The following ZRANB2 variants were observed in gnomAD, a reference collection of about 807,000 sequenced individuals.
ZRANB2 encodes zinc finger Ran-binding domain-containing protein 2.
Under a neutral mutation model 53.4 loss-of-function variants are expected in ZRANB2, and 19 were observed. The ratio of observed to expected loss-of-function variants is 0.36; its 90% CI spans 0.25 to 0.52. The LOEUF is 0.52. Among genes scored for constraint, ZRANB2 ranks in the 20% least tolerant of loss-of-function variants. The pLI is 0.93. For synonymous variants in ZRANB2, 145 were observed against 134.8 expected, an observed-to-expected ratio of 1.08 and a Z score of -0.52; for missense variants, 309 against 401.1, an observed-to-expected ratio of 0.77 and a Z score of 1.96.
intron 4 of ZRANB2, among the ~76,000 whole-genome samples, chr1:71,076,518 G>A (rs1312272591): frequency 6.6e-6 from 1 of 152,098 alleles, no homozygotes; most frequent in Non-Finnish European, 1.5e-5. Flanking sequence ...TAACAAACAT[G>A]CAAACCAGTG....
At chr1:71,065,833 C>T in intron 9 of ZRANB2, 1 of 1,574,708 alleles carries the variant, frequency 6.4e-7, no homozygotes, top group Non-Finnish European at 8.6e-7. Flanking sequence ...TAAAAATTTG[C>T]AGAAGTGGTA....
chr1:71,067,742 G>A, intron 8 of ZRANB2: 1 of 412,328 alleles, frequency 2.4e-6, no homozygotes. Flanking sequence ...GGAAGAATAT[G>A]ATGGGTGTTC....
intron 8 of ZRANB2, among the ~76,000 whole-genome samples, chr1:71,068,461 C>T (rs1385708880): frequency 6.6e-6 from 1 of 152,130 alleles, no homozygotes; most frequent in East Asian, 1.9e-4. Context: ...TTATGTTTCC[C>T]TCTACAGATG....
chr1:71,073,700 C>G (rs1471571351), intron 4 of ZRANB2, among the ~76,000 whole-genome samples: 1 of 151,692 alleles, frequency 6.6e-6, no homozygotes, highest in Non-Finnish European at 1.5e-5. Flanking sequence ...AGTAATATGA[C>G]AAATATGGAA....
Position 71,063,852 on chromosome 1 carries a change from G to A in ZRANB2, c.*1222C>T, listed in dbSNP as rs942966027. On this transcript the variant is annotated 3_prime_UTR_variant, in exon 10 of 10. Coordinates refer to ENST00000370920, the MANE Select transcript of ZRANB2 (RefSeq NM_203350.3). ...TTTAAATTGCAGCAGACAATGTTAC[G>A]GAAAAAAAACAAGAAATCAATATCC... 1.3e-5 allele frequency: 2 copies of A among 151,858 alleles called. No homozygotes were observed. The highest frequency in any genetic ancestry group is 2.1e-4 in the South Asian group (1 of 4,804). 9.4% of individuals were successfully genotyped at this position (151,858 alleles called of 1,614,324 possible).
At chr1:71,073,003 T>A (rs1219142558) in intron 4 of ZRANB2, among the ~76,000 whole-genome samples, 2 of 152,084 alleles carry the variant, frequency 1.3e-5, no homozygotes, top group Non-Finnish European at 2.9e-5. Flanking sequence ...CAGGCCTTAT[T>A]AGAGCTTGGA....
At chr1:71,072,650 T>C (rs2101047304) in intron 4 of ZRANB2, 102 bp from the exon 5 acceptor site, 1 of 807,016 alleles carries the variant, frequency 1.2e-6, no homozygotes, top group Non-Finnish European at 2.0e-6. Flanking sequence ...TAATCAACAA[T>C]GGCTGCCTAC....
chr1:71,078,361 C>T, intron 3 of ZRANB2, 96 bp downstream of exon 3: 5 of 1,011,566 alleles, frequency 4.9e-6, no homozygotes, highest in Non-Finnish European at 7.5e-6. Flanking sequence ...GTTACCCTGG[C>T]TTGTCAATGT....
In ZRANB2 at chr1:71,070,876, G is replaced by A; in HGVS notation, c.634C>T (p.Arg212Ter). ...GGGGAGGATGAGCGTGATGAAGATCGTGAATGTGAAGATCGAGACTTTGAG... is the reference window on the plus strand; with the variant it reads ...GGGGAGGATGAGCGTGATGAAGATCATGAATGTGAAGATCGAGACTTTGAG... Reference protein sequence around the residue: ...SRSKSRSSHSRSSSRSSSPSS... With the variant: ...SRSKSRSSHS Residue 212 changes from arginine to a stop codon, truncating the protein, a stop_gained, in exon 7 of 10, where the codon CGA becomes TGA. Coordinates refer to ENST00000370920, the MANE Select transcript of ZRANB2 (RefSeq NM_203350.3). LOFTEE classifies it high-confidence loss of function. 1 of 1,609,540 alleles carries A rather than the reference G, an allele frequency of 6.2e-7. No individual in the cohort carries two copies. Among genetic ancestry groups the A allele is most frequent in the Non-Finnish European group, 8.5e-7 (1 of 1,177,620 alleles).
chr1:71,076,502 T>C (rs1230595822), intron 4 of ZRANB2, among the ~76,000 whole-genome samples: 1 of 152,230 alleles, frequency 6.6e-6, no homozygotes, highest in Non-Finnish European at 1.5e-5. Flanking sequence ...ATTATATCAT[T>C]ACTAATAACA....
At chr1:71,068,147 G>T (rs1661497594) in intron 8 of ZRANB2, among the ~76,000 whole-genome samples, 1 of 152,168 alleles carries the variant, frequency 6.6e-6, no homozygotes, top group African/African-American at 2.4e-5. Context: ...TTACAGGCGT[G>T]AGCCACTGAG....
Position 71,064,974 on chromosome 1 carries a change from C to T in ZRANB2, c.*100G>A, listed in dbSNP as rs1341784259. ...AAGCAATGAAAGGCATGCACCTCTA[C>T]TAGCAGATTTAGCACTTCTGACCAA... On this transcript the variant is annotated 3_prime_UTR_variant, in exon 10 of 10. Coordinates refer to ENST00000370920, the MANE Select transcript of ZRANB2 (RefSeq NM_203350.3). 1.4e-6 allele frequency: 1 copy of T among 706,838 alleles called. No homozygotes were observed. Among genetic ancestry groups the T allele is most frequent in the Non-Finnish European group, 2.4e-6 (1 of 417,400 alleles). 43.8% of individuals were successfully genotyped at this position (706,838 alleles called of 1,614,324 possible). A position where few individuals can be genotyped will look rare whatever the true frequency, so the allele number is the denominator to read the frequency against.
At position 71,067,021 on chromosome 1, in the gene ZRANB2, A is replaced by G. The variant is rs992285006; in HGVS notation, c.771-87T>C. 13 of 1,327,962 alleles carry G rather than the reference A, an allele frequency of 9.8e-6. No homozygotes were observed. The South Asian group carries it at 1.7e-4, about 18-fold the overall frequency. The allele number at this position is 1,327,962 out of a possible 1,614,324, so 82.3% of individuals were successfully genotyped here. A position where few individuals can be genotyped will look rare whatever the true frequency, so the allele number is the denominator to read the frequency against. On this transcript the variant is annotated intron_variant, in intron 8 of 9. Transcript: ENST00000370920. ...AGTTATCAGATAGCTCCAAAAATAA[A>G]CAGGATTTATAACAACTATGAAAAT...
rs139370621 is a variant in ZRANB2, at chr1:71,079,406, C to T, written c.57-698G>A. On this transcript the variant is annotated intron_variant, in intron 1 of 9. Coordinates refer to ENST00000370920, the MANE Select transcript of ZRANB2 (RefSeq NM_203350.3). ...TCACTCACATGACCTTAGAAGTGTA[C>T]GTGTATATTGGTAAAAGTATGTTAA... 5.9e-5 allele frequency among the ~76,000 whole-genome samples: 9 copies of T among 152,120 alleles called. No homozygotes were observed. The South Asian group carries it at 6.2e-4, about 11-fold the overall frequency.
chr1:71,067,800 G>A, intron 8 of ZRANB2: 2 of 365,108 alleles, frequency 5.5e-6, no homozygotes, highest in South Asian at 2.2e-5. Context: ...CAGAACTTAA[G>A]GATTTTTACC....
intron 4 of ZRANB2, among the ~76,000 whole-genome samples, chr1:71,075,720 G>A (rs942628879): frequency 6.6e-6 from 1 of 151,998 alleles, no homozygotes; most frequent in African/African-American, 2.4e-5. Context: ...TACCTTAGGT[G>A]AGGGAAGAAA....
chr1:71,066,633 A>T lies in ZRANB2; in HGVS notation c.929+143T>A, dbSNP rs1376891062. 4.1e-6 allele frequency: 3 copies of T among 731,046 alleles called. No homozygotes were observed. The Admixed American group carries it at 1.0e-4, about 25-fold the overall frequency. 45.3% of individuals were successfully genotyped at this position (731,046 alleles called of 1,614,324 possible). On this transcript the variant is annotated intron_variant, in intron 9 of 9. Coordinates refer to ENST00000370920, the MANE Select transcript of ZRANB2 (RefSeq NM_203350.3). ...TCAAAGTACAAAGGATAAGCAAAGT[A>T]ATGTTTTTTTGAAGTTCAAAGTTGA... is the stretch of plus-strand genomic sequence containing the variant.
intron 3 of ZRANB2, 125 bp from the exon 4 acceptor site, chr1:71,077,002 G>A: frequency 1.4e-6 from 1 of 730,268 alleles, no homozygotes; most frequent in East Asian, 2.8e-5. Context: ...TTTATTAAGT[G>A]GTAATGTAAA....
At chr1:71,071,063 G>T in intron 6 of ZRANB2, 67 bp from the exon 7 acceptor site, 1 of 1,402,974 alleles carries the variant, frequency 7.1e-7, no homozygotes. Context: ...AGATAAAACA[G>T]TTAGGTGTAC....
Sources: allele counts gnomAD v4.1 joint callset (sites outside exome capture counted in the v4.1 genomes callset), GRCh38; gene constraint gnomAD v4.1.1; transcripts MANE v1.5; gene names NCBI Gene and HGNC (gene_info 2026-07-23, HGNC 2026-07-21).